Variants in PDE11A observed in about 807,000 individuals in gnomAD.
PDE11A encodes the protein dual 3',5'-cyclic-AMP and -GMP phosphodiesterase 11A.
Under a neutral mutation model 100.5 loss-of-function variants are expected in PDE11A, and 100 were observed. That is an observed-to-expected ratio of 1.00 (90% CI 0.85 to 1.18). The LOEUF (loss-of-function observed/expected upper bound fraction) is 1.18. Among genes scored for constraint, PDE11A ranks in the 50% most tolerant of loss-of-function variants. The pLI, the probability that PDE11A is intolerant of heterozygous loss-of-function variation, is 0.00. For synonymous variants in PDE11A, 381 were observed against 420.8 expected, an observed-to-expected ratio of 0.91 and a Z score of 1.16; for missense variants, 1,141 against 1,152.6, an observed-to-expected ratio of 0.99 and a Z score of 0.15.
chr2:177,967,200 C>CTT (rs34293348), intron 2 of PDE11A, among the ~76,000 whole-genome samples: 13 of 106,210 alleles, frequency 1.2e-4, no homozygotes, highest in Admixed American at 2.9e-4. Context: ...TCTCCTTTGT[C>CTT]TTTTTTTTTT....
intron 16 of PDE11A, among the ~76,000 whole-genome samples, chr2:177,678,116 C>T (rs920868069): frequency 3.3e-5 from 5 of 152,140 alleles, no homozygotes; most frequent in Admixed American, 6.5e-5. Flanking sequence ...ATAAAACCCA[C>T]GAATGATCAC....
intron 15 of PDE11A, among the ~76,000 whole-genome samples, chr2:177,685,296 CA>C (rs1559142311): frequency 6.6e-6 from 1 of 152,144 alleles, no homozygotes; most frequent in Non-Finnish European, 1.5e-5. Flanking sequence ...GGTAAGTAAA[CA>C]ACACAAAATC....
At chr2:177,898,425 G>A (rs1446160055) in intron 3 of PDE11A, among the ~76,000 whole-genome samples, 1 of 152,182 alleles carries the variant, frequency 6.6e-6, no homozygotes, top group Non-Finnish European at 1.5e-5. Context: ...TGTAACAGGT[G>A]TGAAGATAAG....
chr2:177,724,219 T>A (rs1418021087), intron 12 of PDE11A, among the ~76,000 whole-genome samples: 1 of 152,090 alleles, frequency 6.6e-6, no homozygotes, highest in African/African-American at 2.4e-5. Context: ...AATGTGAAAT[T>A]TCAGACCAGA....
intron 2 of PDE11A, among the ~76,000 whole-genome samples, chr2:177,962,670 A>G (rs1330722045): frequency 6.6e-6 from 1 of 152,200 alleles, no homozygotes; most frequent in Non-Finnish European, 1.5e-5. Context: ...AGGGTCAGAT[A>G]AGTTACACTG....
At chr2:177,747,791 C>T (rs1338726609) in intron 10 of PDE11A, among the ~76,000 whole-genome samples, 1 of 152,156 alleles carries the variant, frequency 6.6e-6, no homozygotes, top group Non-Finnish European at 1.5e-5. Context: ...CTCAGCTCAG[C>T]TCACTAGGAA....
At chr2:177,807,969 T>C (rs2082897485) in intron 9 of PDE11A, among the ~76,000 whole-genome samples, 1 of 152,124 alleles carries the variant, frequency 6.6e-6, no homozygotes, top group South Asian at 2.1e-4. Context: ...TCTCTTGGGG[T>C]AGGTGAGAAA....
In PDE11A at chr2:177,631,322, A is replaced by AAAAAAAAAAAAAAAAAAAAAAAAAAAC. The variant is rs1469522170; in HGVS notation, c.2647-1761_2647-1760insGTTTTTTTTTTTTTTTTTTTTTTTTTT. Among the ~76,000 whole-genome samples the AAAAAAAAAAAAAAAAAAAAAAAAAAAC allele has an allele frequency of 5.9e-4, 10 of 16,888 alleles. 1 individual carries two copies. The highest frequency in any genetic ancestry group is 9.2e-4 in the African/African-American group (10 of 10,844). The allele number at this position is 16,888 out of a possible 152,430, so 11.1% of individuals were successfully genotyped here. On this transcript the variant is annotated intron_variant, in intron 19 of 19. Coordinates refer to ENST00000286063, the MANE Select transcript of PDE11A (RefSeq NM_016953.4). ...AAAAAAAAAAAAAACAAAAAAAAAA[A>AAAAAAAAAAAAAAAAAAAAAAAAAAAC]CAACCTAGGCGTGGTGGCACATGCC... is the stretch of plus-strand genomic sequence containing the variant.
At chr2:177,914,380 T>C (rs13014883) in intron 2 of PDE11A, among the ~76,000 whole-genome samples, 18,803 of 152,100 alleles carry the variant, frequency 0.12, 1,399 homozygotes, top group African/African-American at 0.22. Flanking sequence ...AATAATATTA[T>C]GGCTCCATAA....
rs546403300 is a variant in PDE11A at position 178,040,084 on chromosome 2, G to C, written c.913-25624C>G. On this transcript the variant is annotated intron_variant, in intron 1 of 19. Coordinates refer to ENST00000286063, the MANE Select transcript of PDE11A (RefSeq NM_016953.4). The stretch of plus-strand genomic sequence containing the variant: ...GGCTTTTTTTTTTTTTTTTTTTTGA[G>C]ACAGAGTTTCACTCTTGTTCCCCAG... Among the ~76,000 whole-genome samples the C allele has an allele frequency of 6.3e-3, 703 of 112,340 alleles. 2 individuals are homozygous for C. Among genetic ancestry groups the C allele is most frequent in the African/African-American group, 0.02 (644 of 31,794 alleles). 73.7% of individuals were successfully genotyped at this position (112,340 alleles called of 152,430 possible). A position where few individuals can be genotyped will look rare whatever the true frequency, so the allele number is the denominator to read the frequency against.
chr2:177,850,348 C>T (rs1247209846), intron 5 of PDE11A, among the ~76,000 whole-genome samples: 1 of 152,118 alleles, frequency 6.6e-6, no homozygotes, highest in Non-Finnish European at 1.5e-5. Flanking sequence ...AAAGCTGAAA[C>T]TGGATCCCTT....
At chr2:177,658,768 G>A (rs1183499002) in intron 19 of PDE11A, among the ~76,000 whole-genome samples, 1 of 150,706 alleles carries the variant, frequency 6.6e-6, no homozygotes, top group African/African-American at 2.4e-5. Flanking sequence ...GGGAACACTG[G>A]ATTGCTTTTA....
chr2:177,982,673 AGAT>A (rs1338560986), intron 2 of PDE11A, among the ~76,000 whole-genome samples: 2 of 150,924 alleles, frequency 1.3e-5, no homozygotes, highest in African/African-American at 4.8e-5. Flanking sequence ...CAATTTAACA[AGAT>A]GATATTTAAG....
At chr2:177,850,762 G>A (rs1390325312) in intron 5 of PDE11A, among the ~76,000 whole-genome samples, 1 of 152,202 alleles carries the variant, frequency 6.6e-6, no homozygotes, top group Non-Finnish European at 1.5e-5. Flanking sequence ...AGAAATTTAT[G>A]CAGCCAACAG....
chr2:178,078,250 T>C (rs13397185), intron 2 of PDE11A, among the ~76,000 whole-genome samples: 2,559 of 152,210 alleles, frequency 0.017, 73 homozygotes, highest in African/African-American at 0.058. Context: ...TGTTTCCTGC[T>C]TCCCCAGTAA....
intron 5 of PDE11A, among the ~76,000 whole-genome samples, chr2:177,845,161 CG>C (rs1383799975): frequency 6.9e-6 from 1 of 144,106 alleles, no homozygotes; most frequent in Non-Finnish European, 1.5e-5. Context: ...GCTGGCCGGG[CG>C]GGGGGCTGAC....
Position 177,669,842 on chromosome 2 carries a change from A to C in PDE11A, c.2488-275T>G, listed in dbSNP as rs568326636. ...GCTTCCATATTTGGGATGAGGCAAC[A>C]GGTTGCCAGCTTCAAAGCAGGAAAA... On this transcript the variant is annotated intron_variant, in intron 17 of 19. Transcript: ENST00000286063. Among the ~76,000 whole-genome samples, 82 of 152,360 alleles carry C rather than the reference A, an allele frequency of 5.4e-4. 1 individual carries two copies. The highest frequency in any genetic ancestry group is 6.8e-3 in the Middle Eastern group (2 of 294).
chr2:177,730,873 C>T (rs913180571), intron 10 of PDE11A, among the ~76,000 whole-genome samples: 1 of 152,092 alleles, frequency 6.6e-6, no homozygotes, highest in Admixed American at 6.5e-5. Context: ...TGCACATTGT[C>T]ATACAACAGA....
intron 9 of PDE11A, among the ~76,000 whole-genome samples, chr2:177,795,901 A>G (rs896650984): frequency 5.5e-5 from 7 of 128,182 alleles, no homozygotes; most frequent in African/African-American, 1.9e-4. Context: ...GTCTCTGGGG[A>G]TTGTAGATAA....
Sources: gnomAD v4.1 joint callset for allele counts (sites outside exome capture counted in the v4.1 genomes callset) on GRCh38, gnomAD v4.1.1 for gene constraint, MANE v1.5 for transcripts, NCBI Gene and HGNC (gene_info 2026-07-23, HGNC 2026-07-21) for gene names.